Variants in GABRR1 observed in about 807,000 individuals in gnomAD.
The protein encoded by GABRR1 is gamma-aminobutyric acid type A receptor subunit rho1.
Under a neutral mutation model 55.5 loss-of-function variants are expected in GABRR1, and 59 were observed. That is an observed-to-expected ratio of 1.06 (90% CI 0.86 to 1.32). GABRR1 has a LOEUF of 1.32. Among genes scored for constraint, GABRR1 ranks in the 40% most tolerant of loss-of-function variants. GABRR1 has a pLI of 0.00. For synonymous variants in GABRR1, 213 were observed against 226.0 expected (o/e 0.94, Z 0.51); for missense variants, 602 against 619.1 (o/e 0.97, Z 0.29).
intron 5 of GABRR1, among the ~76,000 whole-genome samples, chr6:89,194,194 G>A (rs1772188167): frequency 6.6e-6 from 1 of 152,180 alleles, no homozygotes; most frequent in Admixed American, 6.5e-5. Flanking sequence ...CAGAGTGGCT[G>A]TTCAGTAGCA....
Position 89,201,197 on chromosome 6 carries a change from A to G in GABRR1, c.242T>C (p.Ile81Thr). Residue 81 changes from isoleucine (I) to threonine (T), a missense_variant, in exon 3 of 10, where the codon ATA becomes ACA. By Grantham distance (89) the Ile-to-Thr change is moderately conservative. Coordinates refer to ENST00000454853, the MANE Select transcript of GABRR1 (RefSeq NM_002042.5). ...PLTKSEQLLR[I>T]DDHDFSMRPG... is the part of the protein sequence containing the mutation. ...CCTCATGCTGAAATCATGGTCATCTATCCTCAGAAGCTGTTCTGACTTTGT... is the reference window on the plus strand; with the variant it reads ...CCTCATGCTGAAATCATGGTCATCTGTCCTCAGAAGCTGTTCTGACTTTGT... 6.2e-7 allele frequency: 1 copy of G among 1,614,176 alleles called. No homozygotes were observed. The highest frequency in any genetic ancestry group is 8.5e-7 in the Non-Finnish European group (1 of 1,179,992).
intron 1 of GABRR1, among the ~76,000 whole-genome samples, chr6:89,210,107 C>A (rs12216134): frequency 0.053 from 7,963 of 151,092 alleles, 210 homozygotes; most frequent in African/African-American, 0.066. Flanking sequence ...TTTGTGTACC[C>A]TTTTGGGCCT....
At chr6:89,208,322 A>C (rs1161387410) in intron 1 of GABRR1, among the ~76,000 whole-genome samples, 1 of 152,228 alleles carries the variant, frequency 6.6e-6, no homozygotes, top group African/African-American at 2.4e-5. Context: ...TGTAAATATT[A>C]AATAGTTCAT....
chr6:89,206,294 T>C (rs1478479073), intron 1 of GABRR1, among the ~76,000 whole-genome samples: 1 of 152,124 alleles, frequency 6.6e-6, no homozygotes, highest in Non-Finnish European at 1.5e-5. Context: ...AAGTTGGGCA[T>C]ATAAGGCCCA....
chr6:89,203,313 C>A, intron 2 of GABRR1, 122 bp downstream of exon 2: 1 of 913,626 alleles, frequency 1.1e-6, no homozygotes, highest in South Asian at 1.4e-5. Flanking sequence ...TCCTCTGGTC[C>A]CCCACCCTCC....
chr6:89,213,980 T>C (rs963674174), intron 1 of GABRR1, among the ~76,000 whole-genome samples: 3 of 37,236 alleles, frequency 8.1e-5, no homozygotes, highest in African/African-American at 4.4e-4. Flanking sequence ...TGTTCATTAG[T>C]TCTAACAGTT....
chr6:89,218,236 T>G (rs1773047176), upstream of GABRR1, among the ~76,000 whole-genome samples: 1 of 152,166 alleles, frequency 6.6e-6, no homozygotes, highest in Admixed American at 6.5e-5. Context: ...ACTGTACCGG[T>G]AAACTGAGTC....
chr6:89,182,623 G>T (rs982678378), intron 7 of GABRR1, among the ~76,000 whole-genome samples: 4 of 152,196 alleles, frequency 2.6e-5, no homozygotes, highest in East Asian at 1.9e-4. Flanking sequence ...TCATTACCTG[G>T]TCTAGGGTTC....
At chr6:89,211,665 C>T (rs1230022631) in intron 1 of GABRR1, among the ~76,000 whole-genome samples, 1 of 152,182 alleles carries the variant, frequency 6.6e-6, no homozygotes, top group Non-Finnish European at 1.5e-5. Context: ...CGGAAGGTCT[C>T]TGATGGCACA....
At chr6:89,184,177 T>G (rs1771818507) in intron 7 of GABRR1, among the ~76,000 whole-genome samples, 2 of 150,950 alleles carry the variant, frequency 1.3e-5, no homozygotes, top group South Asian at 4.2e-4. Context: ...GAGGCAGAGG[T>G]TGCAGTGAGC....
chr6:89,207,423 G>A (rs1772686115), intron 1 of GABRR1, among the ~76,000 whole-genome samples: 1 of 152,070 alleles, frequency 6.6e-6, no homozygotes. Context: ...TTGAACCCCT[G>A]AGCTCAAGCG....
At chr6:89,189,674 A>T (rs1772025386) in intron 6 of GABRR1, among the ~76,000 whole-genome samples, 1 of 152,136 alleles carries the variant, frequency 6.6e-6, no homozygotes, top group Non-Finnish European at 1.5e-5. Context: ...AAAAAAAAAA[A>T]AGATCAGTTA....
At chr6:89,196,881 G>GAAAGAAAGAAAGAAAGAAAGAA (rs57085890) in intron 5 of GABRR1, among the ~76,000 whole-genome samples, 8 of 95,230 alleles carry the variant, frequency 8.4e-5, no homozygotes, top group Non-Finnish European at 1.1e-4. Flanking sequence ...GAAAGAAAGA[G>GAAAGAAAGAAAGAAAGAAAGAA]AAGAGAAGAA....
Position 89,182,047 on chromosome 6 carries a change from G to T in GABRR1, c.807C>A (p.Asn269Lys). ...GCAACGTGAAATTAATGTAGAGACG[G>T]TTGTACCAGCCTGGGGGACACAGGA... The part of the protein sequence containing the change: ...LAFYSSTGWY[N>K]RLYINFTLRR... Residue 269 changes from asparagine (N) to lysine (K), a missense_variant, in exon 8 of 10, where the codon AAC (asparagine) becomes AAA (lysine). Physicochemically the swap from Asn to Lys is moderately conservative, Grantham distance 94 (BLOSUM62 0). Around this residue, in one of 3 missense-constraint regions of GABRR1, gnomAD observed 435 missense variants for 424.2 expected, o/e 1.03. Coordinates refer to ENST00000454853, the MANE Select transcript of GABRR1 (RefSeq NM_002042.5). 1 of 1,614,066 alleles carries T rather than the reference G, an allele frequency of 6.2e-7. No individual in the cohort carries two copies. The highest frequency in any genetic ancestry group is 8.5e-7 in the Non-Finnish European group (1 of 1,179,992).
rs185458142 is a variant in GABRR1, at chr6:89,180,427, G to A, written c.1011C>T (p.Arg337=). The change falls in exon 9 of 10, where the codon CGC becomes CGT. Residue 337 remains arginine (R), a synonymous_variant. Coordinates refer to ENST00000454853, the MANE Select transcript of GABRR1 (RefSeq NM_002042.5). ...IITGVNASMP[R]VSYIKAVDIY... ...TGTCCACGGCCTTGATGTAGGAGAC[G>A]CGCGGCATGGAGGCATTCACGCCCG... 1.4e-5 allele frequency: 23 copies of A among 1,613,934 alleles called. No individual in the cohort carries two copies. In the South Asian group the frequency reaches 1.4e-4, roughly 10 times the overall value.
intron 1 of GABRR1, among the ~76,000 whole-genome samples, chr6:89,230,948 T>C (rs1472976046): frequency 1.3e-5 from 2 of 151,620 alleles, no homozygotes; most frequent in Non-Finnish European, 2.9e-5. Flanking sequence ...GAGCCAGGTG[T>C]GGGATATAGT....
chr6:89,218,233 C>T (rs1248068565), upstream of GABRR1, among the ~76,000 whole-genome samples: 1 of 152,040 alleles, frequency 6.6e-6, no homozygotes, highest in Admixed American at 6.6e-5. Flanking sequence ...CAGACTGTAC[C>T]GGTAAACTGA....
chr6:89,199,529 A>G (rs965477656), intron 3 of GABRR1, 100 bp from the exon 4 acceptor site: 1 of 1,122,932 alleles, frequency 8.9e-7, no homozygotes, highest in East Asian at 2.5e-5. Context: ...CCTCAATGTC[A>G]TATCAGATTT....
intron 5 of GABRR1, among the ~76,000 whole-genome samples, chr6:89,197,542 G>C (rs1772337094): frequency 6.6e-6 from 1 of 152,232 alleles, no homozygotes; most frequent in South Asian, 2.1e-4. Flanking sequence ...AAAAAGTGAT[G>C]TTCAGAATGG....
Sources: allele counts gnomAD v4.1 joint callset (sites outside exome capture counted in the v4.1 genomes callset), GRCh38; gene constraint gnomAD v4.1.1; regional missense constraint gnomAD v4.1.1; transcripts MANE v1.5; gene names NCBI Gene and HGNC (gene_info 2026-07-23, HGNC 2026-07-21).